The following YME1L1 variants were observed in gnomAD, a reference collection of about 807,000 sequenced individuals.
The protein encoded by YME1L1 is YME1 like 1 ATPase.
Under a neutral mutation model 90.4 loss-of-function variants are expected in YME1L1, and 39 were observed. The observed-to-expected ratio is 0.43, with a 90% CI of 0.33 to 0.56. The LOEUF (loss-of-function observed/expected upper bound fraction) is 0.56, where lower values mean the gene tolerates loss of function less well. Ranked by LOEUF, YME1L1 falls within the 20% of genes least tolerant of loss-of-function variation. YME1L1 has a pLI of 0.03. For synonymous variants in YME1L1, 284 were observed against 287.3 expected, an observed-to-expected ratio of 0.99 and a Z score of 0.12; for missense variants, 617 against 868.4, an observed-to-expected ratio of 0.71 and a Z score of 3.64.
rs1253541017 is a variant in YME1L1, at chr10:27,131,956, A to T, written c.776-15T>A. ...CCGGAAGCGGACTAAAGGGAAGAAA[A>T]GAAATGTTTATATTTGATAGATTAA... On this transcript the variant is annotated splice_polypyrimidine_tract_variant and intron_variant, in intron 7 of 18. Coordinates refer to ENST00000376016, the MANE Select transcript of YME1L1 (RefSeq NM_014263.4). 5 of 1,594,420 alleles carry T rather than the reference A, an allele frequency of 3.1e-6. No homozygotes were observed. The highest frequency in any genetic ancestry group is 1.7e-4 in the Middle Eastern group (1 of 6,010).
rs1263552720 is a variant in YME1L1, at chr10:27,154,369, T to C, written c.-159A>G. ...GAAAATGGCCTCCCCTTCCTACAGC[T>C]ACTGCAACGACAGACAATCCGCCCC... is the stretch of plus-strand genomic sequence containing the variant. On this transcript the variant is annotated 5_prime_UTR_variant, in exon 1 of 19. Transcript: ENST00000376016. 6.2e-6 allele frequency: 5 copies of C among 809,362 alleles called. No homozygotes were observed. In the East Asian group the frequency reaches 1.4e-4, roughly 22 times the overall value. 50.1% of individuals were successfully genotyped at this position (809,362 alleles called of 1,614,324 possible). A position where few individuals can be genotyped will look rare whatever the true frequency, so the allele number is the denominator to read the frequency against.
chr10:27,129,085 CAAAAAA>C (rs71523559), intron 8 of YME1L1, among the ~76,000 whole-genome samples: 9 of 48,516 alleles, frequency 1.9e-4, no homozygotes, highest in African/African-American at 6.0e-4. Context: ...GACCCTGTCT[CAAAAAA>C]AAAAAAAAAA....
chr10:27,136,489 C>T (rs2057028764), intron 4 of YME1L1, 104 bp from the exon 5 acceptor site: 2 of 898,358 alleles, frequency 2.2e-6, no homozygotes, highest in African/African-American at 1.7e-5. Flanking sequence ...CCTAGTCTAT[C>T]TAATTTGCCT....
chr10:27,153,395 GT>G (rs1399325736), intron 1 of YME1L1: 3 of 324,706 alleles, frequency 9.2e-6, no homozygotes. Flanking sequence ...TAAAAATTAT[GT>G]TTTAAAAAAA....
intron 18 of YME1L1, among the ~76,000 whole-genome samples, chr10:27,113,511 A>G (rs369527881): frequency 6.6e-6 from 1 of 151,518 alleles, no homozygotes. Context: ...TCTCTACTAA[A>G]AATACAAAAA....
Position 27,114,557 on chromosome 10 carries a change from T to C in YME1L1, c.1971A>G (p.Gln657=), listed in dbSNP as rs1471740877. The C allele has an allele frequency of 3.1e-6, 5 of 1,613,874 alleles. No homozygotes were observed. The highest frequency in any genetic ancestry group is 2.7e-5 in the African/African-American group (2 of 74,910). The change falls in exon 18 of 19, where the codon CAA becomes CAG. Residue 657 remains glutamine (Q), a synonymous_variant. Transcript: ENST00000376016. ...TTCTTATTTCTTGTTCGATGGCAGA[T>C]TGGGTTTCTGGACTTAGTTTCCCTG... The part of the protein sequence containing the change: ...SDTGKLSPET[Q]SAIEQEIRIL...
chr10:27,116,537 A>G (rs372903502), intron 15 of YME1L1, among the ~76,000 whole-genome samples, 192 bp from the exon 16 acceptor site: 1 of 152,132 alleles, frequency 6.6e-6, no homozygotes, highest in African/African-American at 2.4e-5. Flanking sequence ...ATGGTGGTGC[A>G]TGGCTATAAT....
rs1175381007 is a variant in YME1L1 at position 27,144,709 on chromosome 10, G to GC, written c.331+718dup. ...GTCACCTAAAATTAAAACAAACAACGCCCCCCCATTCTGCTAAATGCAATG... is the reference window on the plus strand; with the variant it reads ...GTCACCTAAAATTAAAACAAACAACGCCCCCCCCATTCTGCTAAATGCAATG... On this transcript the variant is annotated intron_variant, in intron 3 of 18. Coordinates refer to ENST00000376016, the MANE Select transcript of YME1L1 (RefSeq NM_014263.4). Among the ~76,000 whole-genome samples the GC allele has an allele frequency of 5.3e-5, 8 of 151,866 alleles. No individual in the cohort carries two copies. In the East Asian group the frequency reaches 7.7e-4, roughly 15 times the overall value.
chr10:27,153,612 T>A (rs1169104238), intron 1 of YME1L1, among the ~76,000 whole-genome samples: 1 of 152,190 alleles, frequency 6.6e-6, no homozygotes, highest in East Asian at 1.9e-4. Context: ...TGAGGCTGAA[T>A]CAAAATTTTA....
At position 27,148,898 on chromosome 10, in the gene YME1L1, A is replaced by G. The variant is rs1191399641; in HGVS notation, c.168+8T>C. 19 of 1,613,558 alleles carry G rather than the reference A, an allele frequency of 1.2e-5. No individual in the cohort carries two copies. Among genetic ancestry groups the G allele is most frequent in the Non-Finnish European group, 1.6e-5 (19 of 1,179,920 alleles). ...AGGCTTTCTCACACAACCAGGATAA[A>G]GACTTACCTCACTGCTGGGAGCCTC... On this transcript the variant is annotated splice_region_variant and intron_variant, in intron 2 of 18. Transcript: ENST00000376016.
rs11015562 is a variant in YME1L1 at position 27,136,051 on chromosome 10, C to T, written c.540+225G>A. ...ATGCTGCTCATTAATACAGAGAACA[C>T]CTCGACAGGTGTAGGTTTGTGGGAA... On this transcript the variant is annotated intron_variant, in intron 5 of 18. Coordinates refer to ENST00000376016, the MANE Select transcript of YME1L1 (RefSeq NM_014263.4). Among the ~76,000 whole-genome samples, 11,225 of 152,090 alleles carry T rather than the reference C, an allele frequency of 0.074. 595 individuals carry two copies. Among genetic ancestry groups the T allele is most frequent in the African/African-American group, 0.15 (6,220 of 41,436 alleles).
intron 2 of YME1L1, among the ~76,000 whole-genome samples, chr10:27,148,363 C>T (rs1017685502): frequency 1.3e-5 from 2 of 152,044 alleles, no homozygotes; most frequent in Non-Finnish European, 2.9e-5. Context: ...CCACCACACC[C>T]GGCTAATTTT....
intron 17 of YME1L1, among the ~76,000 whole-genome samples, chr10:27,115,027 CA>C (rs1588581109): frequency 6.8e-6 from 1 of 147,524 alleles, no homozygotes; most frequent in South Asian, 2.1e-4. Flanking sequence ...ACTCCGTCTC[CA>C]AAAAAAATAA....
At chr10:27,147,096 A>G in intron 2 of YME1L1, 1 of 354,278 alleles carries the variant, frequency 2.8e-6, no homozygotes, top group Non-Finnish European at 5.1e-6. Flanking sequence ...GAAAGAAAAA[A>G]TTAAAGAGAT....
At chr10:27,149,711 CAAAAAAAAAA>C (rs58900380) in intron 1 of YME1L1, among the ~76,000 whole-genome samples, 1 of 32,362 alleles carries the variant, frequency 3.1e-5, no homozygotes, top group Non-Finnish European at 7.3e-5. Context: ...ACCTGTCTCT[CAAAAAAAAAA>C]AAAAAAAAAA....
rs938295208 is a variant in YME1L1, at chr10:27,142,463, T to G, written c.354A>C (p.Thr118=). The G allele has an allele frequency of 3.4e-6, 5 of 1,488,912 alleles. No individual in the cohort carries two copies. In the East Asian group the frequency reaches 7.6e-5, roughly 23 times the overall value. The allele number at this position is 1,488,912 out of a possible 1,614,324, so 92.2% of individuals were successfully genotyped here. ...GTCGATACAAGCAAGAGGAACGTAA[T>G]GTACTAAATATATCTAAGTTACCTG... The part of the protein sequence containing the change: ...NKYGNLDIFS[T]LRSSCLYRHH... The change falls in exon 4 of 19, where the codon ACA becomes ACC. Residue 118 remains threonine (T), a synonymous_variant. Coordinates refer to ENST00000376016, the MANE Select transcript of YME1L1 (RefSeq NM_014263.4).
chr10:27,143,559 G>C (rs544654824), intron 3 of YME1L1, among the ~76,000 whole-genome samples: 8 of 152,036 alleles, frequency 5.3e-5, no homozygotes, highest in Admixed American at 4.6e-4. Context: ...TTAGCCGGGC[G>C]TGGTGGCGGA....
chr10:27,151,754 G>A (rs1426683982), intron 1 of YME1L1, among the ~76,000 whole-genome samples: 3 of 152,156 alleles, frequency 2.0e-5, no homozygotes, highest in East Asian at 3.9e-4. Context: ...GGTGGCGGGC[G>A]CCTGTGGTCC....
chr10:27,131,912 A>T lies in YME1L1; in HGVS notation c.805T>A (p.Ser269Thr), dbSNP rs748163083. ...VRFRTTTGLDSAVDPVQMKNV... is the reference protein window; with the variant it reads ...VRFRTTTGLDTAVDPVQMKNV... ...TTCATCTGGACAGGATCTACTGCAG[A>T]ATCAAGCCCTGTTGTTGTCCGGAAG... Residue 269 changes from serine to threonine, a missense_variant, in exon 8 of 19, where the codon TCT (serine) becomes ACT (threonine). By Grantham distance (58) the Ser-to-Thr change is moderately conservative. Coordinates refer to ENST00000376016, the MANE Select transcript of YME1L1 (RefSeq NM_014263.4). The T allele has an allele frequency of 2.5e-6, 4 of 1,613,504 alleles. No individual in the cohort carries two copies. The highest frequency in any genetic ancestry group is 3.3e-5 in the Admixed American group (2 of 59,820).
Sources: gnomAD v4.1 joint callset for allele counts (sites outside exome capture counted in the v4.1 genomes callset) on GRCh38, gnomAD v4.1.1 for gene constraint, MANE v1.5 for transcripts, NCBI Gene and HGNC (gene_info 2026-07-23, HGNC 2026-07-21) for gene names.